Variants in PKHD1 observed in about 807,000 individuals in gnomAD.
The protein encoded by PKHD1 is fibrocystin.
Under a neutral mutation model 412.0 loss-of-function variants are expected in PKHD1, and 291 were observed. That is an observed-to-expected ratio of 0.71 (90% CI 0.64 to 0.78). The LOEUF (loss-of-function observed/expected upper bound fraction) is 0.78, where lower values mean the gene tolerates loss of function less well. PKHD1 is among the 30% of genes least tolerant of loss of function. The probability of loss-of-function intolerance (pLI) is 0.00; values close to 1 mark genes in which losing one functional copy is unlikely to be tolerated. For synonymous variants in PKHD1, 1,777 were observed against 1,821.5 expected (o/e 0.98, Z 0.62); for missense variants, 4,825 against 4,950.7 (o/e 0.97, Z 0.76).
Position 52,082,123 on chromosome 6 carries a change from AG to A in PKHD1, c.281+268del, listed in dbSNP as rs368510525. On this transcript the variant is annotated intron_variant, in intron 4 of 66. Coordinates refer to ENST00000371117, the MANE Select transcript of PKHD1 (RefSeq NM_138694.4). Reference sequence around the variant, plus strand: ...CATTTATTAAAATCTTAATAGCCATAGAACTCTTTGCAAAAAAAAACAAATG... The same window carrying A: ...CATTTATTAAAATCTTAATAGCCATAAACTCTTTGCAAAAAAAAACAAATG... Among the ~76,000 whole-genome samples, 381 of 152,210 alleles carry A rather than the reference AG, an allele frequency of 2.5e-3. 2 individuals are homozygous for A. The highest frequency in any genetic ancestry group is 8.8e-3 in the African/African-American group (367 of 41,564).
chr6:51,689,266 T>C (rs992840777), intron 60 of PKHD1, among the ~76,000 whole-genome samples: 1 of 152,202 alleles, frequency 6.6e-6, no homozygotes, highest in Non-Finnish European at 1.5e-5. Context: ...TCTCAATCAA[T>C]GCAGAAAAGG....
chr6:51,799,668 G>T (rs531889603), intron 52 of PKHD1, among the ~76,000 whole-genome samples: 1 of 152,002 alleles, frequency 6.6e-6, no homozygotes, highest in Non-Finnish European at 1.5e-5. Flanking sequence ...TCACCCTAAC[G>T]TACCCTCCAG....
chr6:51,893,700 A>G lies in PKHD1; in HGVS notation c.6997-6455T>C, dbSNP rs565817877. On this transcript the variant is annotated intron_variant, in intron 43 of 66. Coordinates refer to ENST00000371117, the MANE Select transcript of PKHD1 (RefSeq NM_138694.4). The stretch of plus-strand genomic sequence containing the variant: ...TCAAGCAAGAGAAATTCCAGAGAGA[A>G]ATTAACTGCCCAAGTAAGCCAGCTC... Among the ~76,000 whole-genome samples, 8 of 152,328 alleles carry G rather than the reference A, an allele frequency of 5.3e-5. 1 individual carries two copies. Among genetic ancestry groups the G allele is most frequent in the African/African-American group, 1.9e-4 (8 of 41,556 alleles).
rs373408049 is a variant in PKHD1 at position 52,011,508 on chromosome 6, G to C, written c.5601-1049C>G. On this transcript the variant is annotated intron_variant, in intron 34 of 66. Coordinates refer to ENST00000371117, the MANE Select transcript of PKHD1 (RefSeq NM_138694.4). ...CAAAACCAGATGGTCCTGTTTCCCA[G>C]AGCAGTGCTCTCAAGTTTTGAAATG... is the stretch of plus-strand genomic sequence containing the variant. Among the ~76,000 whole-genome samples the C allele has an allele frequency of 8.1e-4, 124 of 152,302 alleles. 1 individual carries two copies. Among genetic ancestry groups the C allele is most frequent in the African/African-American group, 2.8e-3 (115 of 41,554 alleles).
intron 5 of PKHD1, among the ~76,000 whole-genome samples, chr6:52,077,581 A>G (rs1811504456): frequency 6.6e-6 from 1 of 152,218 alleles, no homozygotes; most frequent in African/African-American, 2.4e-5. Context: ...TCGGTTGTTA[A>G]TCAACAGCCT....
intron 52 of PKHD1, among the ~76,000 whole-genome samples, chr6:51,822,777 T>C (rs1766660413): frequency 6.6e-6 from 1 of 152,192 alleles, no homozygotes; most frequent in Admixed American, 6.5e-5. Flanking sequence ...TTTCTATTGA[T>C]GGTACCCCTA....
At chr6:51,924,934 T>C (rs924112603) in intron 37 of PKHD1, among the ~76,000 whole-genome samples, 14 of 152,280 alleles carry the variant, frequency 9.2e-5, no homozygotes, top group African/African-American at 3.4e-4. Context: ...TTACATGTTT[T>C]GTTTCATTTA....
Position 51,981,869 on chromosome 6 carries a change from C to T in PKHD1, c.5752-21843G>A, listed in dbSNP as rs1310359396. On this transcript the variant is annotated intron_variant, in intron 35 of 66. Coordinates refer to ENST00000371117, the MANE Select transcript of PKHD1 (RefSeq NM_138694.4). Reference sequence around the variant, plus strand: ...CCCGGCTGCCATCCCATCTAGGAAGCGAGGAGCGCCTCTTCCCCGCTGCCT... The same window carrying T: ...CCCGGCTGCCATCCCATCTAGGAAGTGAGGAGCGCCTCTTCCCCGCTGCCT... Among the ~76,000 whole-genome samples, 13 of 103,472 alleles carry T rather than the reference C, an allele frequency of 1.3e-4. 1 individual carries two copies. Among genetic ancestry groups the T allele is most frequent in the Admixed American group, 2.2e-4 (2 of 9,204 alleles). The allele number at this position is 103,472 out of a possible 152,430, so 67.9% of individuals were successfully genotyped here. A position where few individuals can be genotyped will look rare whatever the true frequency, so the allele number is the denominator to read the frequency against.
At chr6:51,933,925 G>A (rs1362252650) in intron 37 of PKHD1, among the ~76,000 whole-genome samples, 185 bp downstream of exon 37, 3 of 152,138 alleles carry the variant, frequency 2.0e-5, no homozygotes, top group South Asian at 4.1e-4. Context: ...CAAACAATTG[G>A]GAACGGTAGT....
At chr6:51,887,714 T>C (rs537926542) in intron 43 of PKHD1, among the ~76,000 whole-genome samples, 13 of 152,324 alleles carry the variant, frequency 8.5e-5, no homozygotes, top group Non-Finnish European at 1.5e-4. Context: ...CCCTGAGACC[T>C]GAGACCTCCC....
intron 49 of PKHD1, among the ~76,000 whole-genome samples, chr6:51,850,703 T>C (rs749714230): frequency 2.8e-4 from 42 of 152,312 alleles, no homozygotes; most frequent in East Asian, 3.9e-4. Context: ...TTGCCTATTG[T>C]TGGTGTAAAG....
At chr6:51,635,934 T>C (rs1768510665) in intron 64 of PKHD1, among the ~76,000 whole-genome samples, 1 of 149,942 alleles carries the variant, frequency 6.7e-6, no homozygotes, top group Non-Finnish European at 1.5e-5. Context: ...CAGCAGCCCC[T>C]GAGGGCCTCC....
At chr6:51,772,890 A>C in intron 54 of PKHD1, 101 bp from the exon 55 acceptor site, 8 of 751,776 alleles carry the variant, frequency 1.1e-5, no homozygotes, top group Non-Finnish European at 2.4e-6. Flanking sequence ...AAAACATGTG[A>C]TATAGAATCT....
In PKHD1 at chr6:52,073,538, T is replaced by C; in HGVS notation, c.452A>G (p.Lys151Arg). 6.3e-7 allele frequency: 1 copy of C among 1,590,844 alleles called. No homozygotes were observed. The highest frequency in any genetic ancestry group is 1.1e-5 in the South Asian group (1 of 90,576). Residue 151 changes from lysine to arginine, a missense_variant, in exon 7 of 67, where the codon AAA becomes AGA. Coordinates refer to ENST00000371117, the MANE Select transcript of PKHD1 (RefSeq NM_138694.4). ...QVYPPSGVPG[K>R]LIHVYGWIIT... is the part of the protein sequence containing the mutation. ...AATCCAGCCATATACATGTATTAGT[T>C]TTCCTGTTTGAAGAAGAATTTTTTT... is the stretch of plus-strand genomic sequence containing the variant.
At chr6:51,892,872 T>C (rs1005940362) in intron 43 of PKHD1, among the ~76,000 whole-genome samples, 2 of 152,204 alleles carry the variant, frequency 1.3e-5, no homozygotes, top group African/African-American at 4.8e-5. Flanking sequence ...AGAATCACTG[T>C]CTATTAGTTG....
rs372205619 is a variant in PKHD1 at position 52,062,669 on chromosome 6, C to T, written c.977-9G>A. 179 of 1,614,040 alleles carry T rather than the reference C, an allele frequency of 1.1e-4. No homozygotes were observed. The highest frequency in any genetic ancestry group is 1.6e-4 in the Middle Eastern group (1 of 6,062). ...AAGAAGCCCTCGATTGCCTGTAAGA[C>T]ATGTAGATCGCATAAACATTACAGG... On this transcript the variant is annotated splice_polypyrimidine_tract_variant and intron_variant, in intron 13 of 66. Transcript: ENST00000371117.
intron 48 of PKHD1, among the ~76,000 whole-genome samples, chr6:51,867,522 T>C (rs957872841): frequency 6.6e-6 from 1 of 152,214 alleles, no homozygotes; most frequent in South Asian, 2.1e-4. Flanking sequence ...AGAATGGACA[T>C]TTTTAGAATT....
chr6:51,921,748 T>C (rs1583383610), intron 37 of PKHD1, among the ~76,000 whole-genome samples: 1 of 152,236 alleles, frequency 6.6e-6, no homozygotes, highest in Non-Finnish European at 1.5e-5. Flanking sequence ...ATGCATCACA[T>C]AGTTCTCATG....
intron 55 of PKHD1, among the ~76,000 whole-genome samples, chr6:51,770,803 A>C (rs1582588922): frequency 6.6e-6 from 1 of 151,994 alleles, no homozygotes; most frequent in South Asian, 2.1e-4. Flanking sequence ...AATGGTGAAG[A>C]TTCATTTATG....
Sources: gnomAD v4.1 joint callset for allele counts (sites outside exome capture counted in the v4.1 genomes callset) on GRCh38, gnomAD v4.1.1 for gene constraint, MANE v1.5 for transcripts, NCBI Gene and HGNC (gene_info 2026-07-23, HGNC 2026-07-21) for gene names.